Variants in MIEF1 observed in about 807,000 individuals in gnomAD.
The protein encoded by MIEF1 is mitochondrial dynamics protein MIEF1.
Under a neutral mutation model 35.1 loss-of-function variants are expected in MIEF1, and 14 were observed. The ratio of observed to expected loss-of-function variants is 0.40; its 90% CI spans 0.26 to 0.62. The LOEUF is 0.62. MIEF1 is among the 20% of genes least tolerant of loss of function. The probability of loss-of-function intolerance (pLI) is 0.43; values close to 1 mark genes in which losing one functional copy is unlikely to be tolerated. For synonymous variants in MIEF1, 245 were observed against 254.3 expected (o/e 0.96, Z 0.35); for missense variants, 542 against 615.4 (o/e 0.88, Z 1.26).
At chr22:39,507,915 C>G (rs562044648) in intron 2 of MIEF1, among the ~76,000 whole-genome samples, 2 of 152,190 alleles carry the variant, frequency 1.3e-5, no homozygotes, top group South Asian at 4.2e-4. Flanking sequence ...GGCATCACTG[C>G]GAATTTTCAA....
At chr22:39,511,022 G>T (rs1228278685) in intron 2 of MIEF1, among the ~76,000 whole-genome samples, 1 of 152,250 alleles carries the variant, frequency 6.6e-6, no homozygotes, top group East Asian at 1.9e-4. Flanking sequence ...AAAAAGGACT[G>T]ACACTGAGCT....
In MIEF1 at chr22:39,516,924, C is replaced by T. The variant is rs547982815; in HGVS notation, c.*2601C>T. 1 of 152,368 alleles carries T rather than the reference C, an allele frequency of 6.6e-6. No individual in the cohort carries two copies. The highest frequency in any genetic ancestry group is 1.5e-5 in the Non-Finnish European group (1 of 68,064). The allele number at this position is 152,368 out of a possible 1,614,324, so 9.4% of individuals were successfully genotyped here. Reference sequence around the variant, plus strand: ...AACCAGAAGCAATGTGAACTCTCAGCGCTGGTCCTGGTGGGTTTGCTGACC... The same window carrying T: ...AACCAGAAGCAATGTGAACTCTCAGTGCTGGTCCTGGTGGGTTTGCTGACC... On this transcript the variant is annotated 3_prime_UTR_variant, in exon 6 of 6. Transcript: ENST00000325301.
In MIEF1 at chr22:39,514,455, C is replaced by G. The variant is rs1930550949; in HGVS notation, c.*132C>G. The G allele has an allele frequency of 1.2e-6, 1 of 806,296 alleles. No homozygotes were observed. Among genetic ancestry groups the G allele is most frequent in the Non-Finnish European group, 2.0e-6 (1 of 510,220 alleles). The allele number at this position is 806,296 out of a possible 1,614,324, so 49.9% of individuals were successfully genotyped here. A position where few individuals can be genotyped will look rare whatever the true frequency, so the allele number is the denominator to read the frequency against. On this transcript the variant is annotated 3_prime_UTR_variant, in exon 6 of 6. Coordinates refer to ENST00000325301, the MANE Select transcript of MIEF1 (RefSeq NM_019008.6). ...TTGCTGATCATCACCCTGGTCACTT[C>G]ATGCTGATTAGAATGACATCTCTTT...
In MIEF1 at chr22:39,514,623, T is replaced by C. The variant is rs762023705; in HGVS notation, c.*300T>C. Reference sequence around the variant, plus strand: ...CTGAGCTGATGGACCACTTGGTGTTTTGCGTTTTGGCCCATGTTTGCTGCC... The same window carrying C: ...CTGAGCTGATGGACCACTTGGTGTTCTGCGTTTTGGCCCATGTTTGCTGCC... On this transcript the variant is annotated 3_prime_UTR_variant, in exon 6 of 6. Coordinates refer to ENST00000325301, the MANE Select transcript of MIEF1 (RefSeq NM_019008.6). The C allele has an allele frequency of 2.4e-6, 1 of 423,228 alleles. No homozygotes were observed. The highest frequency in any genetic ancestry group is 4.3e-6 in the Non-Finnish European group (1 of 232,950). 26.2% of individuals were successfully genotyped at this position (423,228 alleles called of 1,614,324 possible).
At position 39,515,652 on chromosome 22, in the gene MIEF1, A is replaced by G. The variant is rs982600289; in HGVS notation, c.*1329A>G. On this transcript the variant is annotated 3_prime_UTR_variant, in exon 6 of 6. Coordinates refer to ENST00000325301, the MANE Select transcript of MIEF1 (RefSeq NM_019008.6). ...TGCTGAGATTGCAGTATTTATTGCAATGTAAATGTATCCTGAAGGTGGGGA... is the reference window on the plus strand; with the variant it reads ...TGCTGAGATTGCAGTATTTATTGCAGTGTAAATGTATCCTGAAGGTGGGGA... 5 of 401,608 alleles carry G rather than the reference A, an allele frequency of 1.2e-5. No homozygotes were observed. The highest frequency in any genetic ancestry group is 8.3e-5 in the Admixed American group (2 of 24,046). The allele number at this position is 401,608 out of a possible 1,614,324, so 24.9% of individuals were successfully genotyped here. A position where few individuals can be genotyped will look rare whatever the true frequency, so the allele number is the denominator to read the frequency against.
At chr22:39,512,088 A>C (rs773178278) in intron 4 of MIEF1, 62 bp downstream of exon 4, 10 of 1,571,880 alleles carry the variant, frequency 6.4e-6, no homozygotes, top group Non-Finnish European at 8.6e-6. Flanking sequence ...TCCTGCACTC[A>C]GCAGATGTTT....
rs117991469 is a variant in MIEF1 at position 39,515,463 on chromosome 22, C to T, written c.*1140C>T. 1,704 of 657,204 alleles carry T rather than the reference C, an allele frequency of 2.6e-3. 30 individuals carry two copies. The East Asian group carries it at 0.037, about 14-fold the overall frequency. The allele number at this position is 657,204 out of a possible 1,614,324, so 40.7% of individuals were successfully genotyped here. On this transcript the variant is annotated 3_prime_UTR_variant, in exon 6 of 6. Coordinates refer to ENST00000325301, the MANE Select transcript of MIEF1 (RefSeq NM_019008.6). Reference sequence around the variant, plus strand: ...GAATGTGAGAGGGGTGTTTGCTGAGCGCTCCGGGCACGGCCAGAGGGCAAG... The same window carrying T: ...GAATGTGAGAGGGGTGTTTGCTGAGTGCTCCGGGCACGGCCAGAGGGCAAG...
Position 39,514,360 on chromosome 22 carries a change from C to T in MIEF1, c.*37C>T, listed in dbSNP as rs770594362. Reference sequence around the variant, plus strand: ...GCCAAAGCGGGTGTTGGTGGTCAGGCCCTGGATTCTCCGTTAGATACACTT... The same window carrying T: ...GCCAAAGCGGGTGTTGGTGGTCAGGTCCTGGATTCTCCGTTAGATACACTT... On this transcript the variant is annotated 3_prime_UTR_variant, in exon 6 of 6. Coordinates refer to ENST00000325301, the MANE Select transcript of MIEF1 (RefSeq NM_019008.6). The T allele has an allele frequency of 6.2e-7, 1 of 1,600,626 alleles. No individual in the cohort carries two copies. The highest frequency in any genetic ancestry group is 1.1e-5 in the South Asian group (1 of 89,788).
intron 4 of MIEF1, 42 bp downstream of exon 4, chr22:39,512,068 T>C: frequency 6.3e-7 from 1 of 1,592,658 alleles, no homozygotes; most frequent in Non-Finnish European, 8.6e-7. Flanking sequence ...CTCTGGACTT[T>C]CAGTACCACT....
intron 2 of MIEF1, among the ~76,000 whole-genome samples, chr22:39,505,293 T>C (rs1929960078): frequency 6.6e-6 from 1 of 150,840 alleles, no homozygotes; most frequent in South Asian, 2.2e-4. Context: ...CAAGCAGTCC[T>C]CCCTTCTCAG....
chr22:39,507,407 G>C (rs1431212267), intron 2 of MIEF1, among the ~76,000 whole-genome samples: 1 of 151,712 alleles, frequency 6.6e-6, no homozygotes. Flanking sequence ...CACCACACCT[G>C]GCTAATTTTT....
At position 39,504,097 on chromosome 22, in the gene MIEF1, C is replaced by A. The variant is rs552674005; in HGVS notation, c.-339-106C>A. ...CATTAAGTCATACGGTGACCTGGAGCGGGGGGTCTCTGGAACTTGGATTAA... is the reference window on the plus strand; with the variant it reads ...CATTAAGTCATACGGTGACCTGGAGAGGGGGGTCTCTGGAACTTGGATTAA... On this transcript the variant is annotated intron_variant, in intron 1 of 5. Transcript: ENST00000325301. 15 of 396,438 alleles carry A rather than the reference C, an allele frequency of 3.8e-5. No homozygotes were observed. The East Asian group carries it at 5.4e-4, about 14-fold the overall frequency. 24.6% of individuals were successfully genotyped at this position (396,438 alleles called of 1,614,324 possible). A position where few individuals can be genotyped will look rare whatever the true frequency, so the allele number is the denominator to read the frequency against.
chr22:39,508,732 C>G (rs540609541), intron 2 of MIEF1, among the ~76,000 whole-genome samples: 44 of 152,258 alleles, frequency 2.9e-4, no homozygotes, highest in African/African-American at 8.7e-4. Context: ...CTTTCATGTC[C>G]CTAAACCTGA....
rs200541004 is a variant in MIEF1 at position 39,513,963 on chromosome 22, G to A, written c.1032G>A (p.Ala344=). 102 of 1,613,202 alleles carry A rather than the reference G, an allele frequency of 6.3e-5. No homozygotes were observed. The highest frequency in any genetic ancestry group is 5.8e-4 in the East Asian group (26 of 44,886). The change falls in exon 6 of 6, where the codon GCG becomes GCA. Residue 344 remains alanine, a synonymous_variant. Coordinates refer to ENST00000325301, the MANE Select transcript of MIEF1 (RefSeq NM_019008.6). The part of the protein sequence containing the change: ...DNLWRLSLRP[A]ETARLRALDQ... ...TGTGGCGGCTGAGCCTGCGTCCCGCGGAGACGGCACGCCTGCGGGCTCTGG... is the reference window on the plus strand; with the variant it reads ...TGTGGCGGCTGAGCCTGCGTCCCGCAGAGACGGCACGCCTGCGGGCTCTGG...
Position 39,514,106 on chromosome 22 carries a change from T to C in MIEF1, c.1175T>C (p.Leu392Ser). The C allele has an allele frequency of 6.2e-7, 1 of 1,614,196 alleles. No individual in the cohort carries two copies. The highest frequency in any genetic ancestry group is 1.3e-5 in the African/African-American group (1 of 75,050). Residue 392 changes from leucine to serine, a missense_variant, in exon 6 of 6, where the codon TTG (leucine) becomes TCG (serine). Leu to Ser is a moderately radical substitution (Grantham distance 145, BLOSUM62 -2). Transcript: ENST00000325301. Reference protein sequence around the residue: ...ASQLTNVILHLAQEEADWSPD... With the variant: ...ASQLTNVILHSAQEEADWSPD... Reference sequence around the variant, plus strand: ...CAGCTAACCAATGTCATCCTCCACTTGGCCCAGGAGGAGGCTGACTGGTCT... The same window carrying C: ...CAGCTAACCAATGTCATCCTCCACTCGGCCCAGGAGGAGGCTGACTGGTCT...
intron 2 of MIEF1, among the ~76,000 whole-genome samples, chr22:39,510,764 T>G (rs889846945): frequency 1.3e-5 from 2 of 151,952 alleles, no homozygotes; most frequent in Non-Finnish European, 2.9e-5. Context: ...TTATAACCTC[T>G]GTGAAGGGGT....
In MIEF1 at chr22:39,514,908, GGA is replaced by G. The variant is rs1029190045; in HGVS notation, c.*587_*588del. 1.4e-5 allele frequency: 4 copies of G among 288,622 alleles called. No individual in the cohort carries two copies. The highest frequency in any genetic ancestry group is 2.6e-5 in the Non-Finnish European group (4 of 153,678). 17.9% of individuals were successfully genotyped at this position (288,622 alleles called of 1,614,324 possible). The stretch of plus-strand genomic sequence containing the variant: ...GAGTTGGCCTTTGACCACGGTTCCT[GGA>G]GTAGAAGTCCATCCTCCCCCCAACC... On this transcript the variant is annotated 3_prime_UTR_variant, in exon 6 of 6. Transcript: ENST00000325301.
rs1469282767 is a variant in MIEF1 at position 39,517,767 on chromosome 22, C to G, written c.*3444C>G. 5.7e-6 allele frequency: 2 copies of G among 351,412 alleles called. No homozygotes were observed. The highest frequency in any genetic ancestry group is 1.1e-5 in the Non-Finnish European group (2 of 173,990). The allele number at this position is 351,412 out of a possible 1,614,324, so 21.8% of individuals were successfully genotyped here. ...TGGGAGGCTGCAGCCCTTTTAGATG[C>G]CACTTACTGTAAGTGGCCAGAATAC... On this transcript the variant is annotated 3_prime_UTR_variant, in exon 6 of 6. Transcript: ENST00000325301.
In MIEF1 at chr22:39,514,009, C is replaced by G; in HGVS notation, c.1078C>G (p.Arg360Gly). 1 of 1,613,460 alleles carries G rather than the reference C, an allele frequency of 6.2e-7. No individual in the cohort carries two copies. The highest frequency in any genetic ancestry group is 8.5e-7 in the Non-Finnish European group (1 of 1,180,030). The stretch of plus-strand genomic sequence containing the variant: ...TCTGGACCAGGCTGACTCGGGCTGC[C>G]GATCTCTGTGCCTCAAGATCCTCAA... ...RALDQADSGC[R>G]SLCLKILKAI... Residue 360 changes from arginine (R) to glycine (G), a missense_variant, in exon 6 of 6, where the codon CGA becomes GGA. Transcript: ENST00000325301.
Sources: allele counts gnomAD v4.1 joint callset (sites outside exome capture counted in the v4.1 genomes callset), GRCh38; gene constraint gnomAD v4.1.1; transcripts MANE v1.5; gene names NCBI Gene and HGNC (gene_info 2026-07-23, HGNC 2026-07-21).